NOL10: variants seen among roughly 807,000 people sequenced by gnomAD.
NOL10 encodes the protein H_NH0074G24.1.
NOL10 carries 58 observed loss-of-function variants against 103.5 expected under a neutral mutation model. The ratio of observed to expected loss-of-function variants is 0.56; its 90% CI spans 0.45 to 0.70. The LOEUF (loss-of-function observed/expected upper bound fraction) is 0.70. NOL10 is among the 30% of genes least tolerant of loss of function. The pLI, the probability that NOL10 is intolerant of heterozygous loss-of-function variation, is 0.00. For synonymous variants in NOL10, 287 were observed against 282.5 expected (o/e 1.02, Z -0.16); for missense variants, 763 against 807.3 (o/e 0.95, Z 0.67).
At chr2:10,684,707 A>T in intron 1 of NOL10, 95 bp from the exon 2 acceptor site, 1 of 883,976 alleles carries the variant, frequency 1.1e-6, no homozygotes, top group Non-Finnish European at 1.8e-6. Context: ...TAAAAATTCA[A>T]ACTTCATAGG....
chr2:10,581,038 G>T (rs894291818), intron 19 of NOL10, among the ~76,000 whole-genome samples: 1 of 152,148 alleles, frequency 6.6e-6, no homozygotes, highest in Non-Finnish European at 1.5e-5. Context: ...ATTTACATAT[G>T]CCATAAGGTT....
chr2:10,597,413 A>C (rs1675750075), intron 17 of NOL10, among the ~76,000 whole-genome samples: 1 of 152,220 alleles, frequency 6.6e-6, no homozygotes, highest in African/African-American at 2.4e-5. Flanking sequence ...CACAGCTAGT[A>C]AAGTTCTCAA....
chr2:10,579,571 T>TC (rs1345130331), intron 19 of NOL10, among the ~76,000 whole-genome samples: 2 of 134,844 alleles, frequency 1.5e-5, no homozygotes, highest in Non-Finnish European at 3.4e-5. Flanking sequence ...TTTTTTTTTT[T>TC]TTTTCCGAAC....
intron 2 of NOL10, among the ~76,000 whole-genome samples, chr2:10,682,690 G>A (rs376307610): frequency 4.6e-5 from 7 of 152,082 alleles, no homozygotes; most frequent in South Asian, 2.1e-4. Flanking sequence ...GTGAGCCACC[G>A]CACTGGGCCC....
In NOL10 at chr2:10,676,070, C is replaced by T. The variant is rs1202921175; in HGVS notation, c.212-199G>A. Among the ~76,000 whole-genome samples, 3 of 152,138 alleles carry T rather than the reference C, an allele frequency of 2.0e-5. No individual in the cohort carries two copies. In the East Asian group the frequency reaches 5.8e-4, roughly 29 times the overall value. On this transcript the variant is annotated intron_variant, in intron 3 of 20. Transcript: ENST00000381685. ...AGCTAAACAAGCAAGTCATAGAAAA[C>T]CAAACAAAATAACTAAGAAACCTAC...
intron 19 of NOL10, among the ~76,000 whole-genome samples, chr2:10,582,429 A>T (rs1558266914): frequency 6.6e-6 from 1 of 152,184 alleles, no homozygotes; most frequent in Non-Finnish European, 1.5e-5. Flanking sequence ...CAAGGAGAGA[A>T]GTTATCCCCA....
At position 10,671,582 on chromosome 2, in the gene NOL10, A is replaced by C; in HGVS notation, c.436T>G (p.Ser146Ala). ...GCACCAACAAAGTACAAGTCACAGG[A>C]TGGATAGTGGTAAGAGAAATCTCTC... ...FGRDFSYHYP[S>A]CDLYFVGASS... Residue 146 changes from serine to alanine, a missense_variant, in exon 6 of 21, where the codon TCC becomes GCC. Physicochemically the swap from Ser to Ala is moderately conservative, Grantham distance 99. Coordinates refer to ENST00000381685, the MANE Select transcript of NOL10 (RefSeq NM_024894.4). The C allele has an allele frequency of 1.2e-6, 2 of 1,606,626 alleles. No individual in the cohort carries two copies. The highest frequency in any genetic ancestry group is 8.5e-7 in the Non-Finnish European group (1 of 1,176,426).
At chr2:10,590,657 T>C (rs532389527) in intron 17 of NOL10, among the ~76,000 whole-genome samples, 5 of 152,304 alleles carry the variant, frequency 3.3e-5, no homozygotes, top group Admixed American at 1.3e-4. Context: ...ATATTGTGTA[T>C]CCTTCAGATA....
intron 20 of NOL10, among the ~76,000 whole-genome samples, chr2:10,576,543 C>A (rs1216610413): frequency 1.3e-5 from 2 of 152,146 alleles, no homozygotes; most frequent in Non-Finnish European, 2.9e-5. Context: ...AAATGCAATT[C>A]CAATGCAAGC....
intron 19 of NOL10, among the ~76,000 whole-genome samples, chr2:10,588,203 G>A (rs760428936): frequency 1.1e-4 from 17 of 152,126 alleles, no homozygotes; most frequent in Non-Finnish European, 2.4e-4. Context: ...TTTGGGGAAG[G>A]TTAATTTTTT....
chr2:10,604,276 G>A (rs1175112626), intron 14 of NOL10, among the ~76,000 whole-genome samples: 1 of 152,162 alleles, frequency 6.6e-6, no homozygotes, highest in Non-Finnish European at 1.5e-5. Flanking sequence ...ATAAGTGACT[G>A]TCTTTCTAAG....
At chr2:10,673,483 G>C in intron 5 of NOL10, 37 bp downstream of exon 5, 4 of 1,338,732 alleles carry the variant, frequency 3.0e-6, no homozygotes, top group Non-Finnish European at 4.0e-6. Flanking sequence ...CTCATTTCTT[G>C]GGTCTAGTCA....
At position 10,657,922 on chromosome 2, in the gene NOL10, CTA is replaced by C. The variant is rs773948751; in HGVS notation, c.757-33_757-32del. ...AAAAAATTATTTCTGTTTAAACAAA[CTA>C]GACATTTTATCTTCAAAGGAAATAT... On this transcript the variant is annotated intron_variant, in intron 10 of 20. Coordinates refer to ENST00000381685, the MANE Select transcript of NOL10 (RefSeq NM_024894.4). The C allele has an allele frequency of 9.6e-6, 14 of 1,453,152 alleles. No individual in the cohort carries two copies. The South Asian group carries it at 1.9e-4, about 20-fold the overall frequency. The allele number at this position is 1,453,152 out of a possible 1,614,324, so 90.0% of individuals were successfully genotyped here.
intron 12 of NOL10, among the ~76,000 whole-genome samples, chr2:10,652,989 A>G (rs1195101870): frequency 5.3e-5 from 8 of 152,042 alleles, no homozygotes; most frequent in Non-Finnish European, 1.2e-4. Context: ...TGAGGTCAGG[A>G]GTTTAAGACC....
chr2:10,587,214 T>TACACATATATATACACATATATATAC (rs1280515921), intron 19 of NOL10, among the ~76,000 whole-genome samples: 1 of 57,870 alleles, frequency 1.7e-5, no homozygotes, highest in Admixed American at 2.0e-4. Flanking sequence ...CACATATATA[T>TACACATATATATACACATATATATAC]ATACATATAT....
At chr2:10,678,800 T>C (rs1204050386) in intron 3 of NOL10, among the ~76,000 whole-genome samples, 1 of 152,086 alleles carries the variant, frequency 6.6e-6, no homozygotes, top group Non-Finnish European at 1.5e-5. Flanking sequence ...TCCAACTCCA[T>C]TTCCCCTACC....
At chr2:10,573,509 C>T (rs968451538) in intron 20 of NOL10, among the ~76,000 whole-genome samples, 3 of 152,108 alleles carry the variant, frequency 2.0e-5, no homozygotes, top group African/African-American at 7.2e-5. Flanking sequence ...GTATTTTCTA[C>T]ACACCTAACA....
chr2:10,585,755 ATTAT>A (rs1674993556), intron 19 of NOL10, among the ~76,000 whole-genome samples: 1 of 152,240 alleles, frequency 6.6e-6, no homozygotes, highest in Non-Finnish European at 1.5e-5. Flanking sequence ...TATATGTTAA[ATTAT>A]CTGTAGATTA....
intron 4 of NOL10, 33 bp downstream of exon 4, chr2:10,675,761 T>C (rs1681266744): frequency 1.6e-6 from 2 of 1,280,546 alleles, no homozygotes; most frequent in South Asian, 2.8e-5. Context: ...TAAAAAGCCA[T>C]TTTCATGAAT....
Sources: allele counts gnomAD v4.1 joint callset (sites outside exome capture counted in the v4.1 genomes callset), GRCh38; gene constraint gnomAD v4.1.1; transcripts MANE v1.5; gene names NCBI Gene and HGNC (gene_info 2026-07-23, HGNC 2026-07-21).